Variants in STARD13 observed in about 807,000 individuals in gnomAD.
The protein encoded by STARD13 is stAR-related lipid transfer protein 13.
A neutral mutation model predicts 106.4 loss-of-function variants in STARD13; 62 were observed. The ratio of observed to expected loss-of-function variants is 0.58; its 90% CI spans 0.48 to 0.72. The LOEUF (loss-of-function observed/expected upper bound fraction) is 0.72. Among genes scored for constraint, STARD13 ranks in the 30% least tolerant of loss-of-function variants. STARD13 has a pLI of 0.00. For synonymous variants in STARD13, 565 were observed against 553.0 expected (o/e 1.02, Z -0.31); for missense variants, 1,387 against 1,424.0 (o/e 0.97, Z 0.42).
intron 8 of STARD13, among the ~76,000 whole-genome samples, chr13:33,114,713 C>T (rs1488856488): frequency 6.6e-6 from 1 of 152,040 alleles, no homozygotes; most frequent in African/African-American, 2.4e-5. Flanking sequence ...TTTTCCATGC[C>T]AACATTTTTT....
At chr13:33,626,392 G>T in the STARD13 span, among the ~76,000 whole-genome samples, 1 of 152,100 alleles carries the variant, frequency 6.6e-6, no homozygotes, top group Non-Finnish European at 1.5e-5. Flanking sequence ...TTATAGAAAA[G>T]ATAATAATGC....
At chr13:33,246,460 C>A (rs902289773) in intron 1 of STARD13, among the ~76,000 whole-genome samples, 3 of 152,192 alleles carry the variant, frequency 2.0e-5, no homozygotes, top group Admixed American at 6.5e-5. Context: ...CTTCTAAAAC[C>A]AGCCATTTGT....
intron 1 of STARD13, among the ~76,000 whole-genome samples, chr13:33,203,699 A>G (rs1401567108): frequency 6.6e-6 from 1 of 152,272 alleles, no homozygotes; most frequent in Non-Finnish European, 1.5e-5. Context: ...AGAGAAAAAA[A>G]ATAGATGCAA....
intron 1 of STARD13, among the ~76,000 whole-genome samples, chr13:33,294,031 A>T (rs4943088): frequency 0.35 from 52,467 of 152,074 alleles, 9,544 homozygotes; most frequent in South Asian, 0.49. Flanking sequence ...ACAAAAGTAT[A>T]TGCTTTGACC....
chr13:33,452,740 G>A, the STARD13 span, among the ~76,000 whole-genome samples: 6 of 152,294 alleles, frequency 3.9e-5, no homozygotes, highest in African/African-American at 1.4e-4. Context: ...CTAAAAACTT[G>A]TGTACCATCT....
At chr13:33,380,616 G>A in the STARD13 span, among the ~76,000 whole-genome samples, 1 of 151,958 alleles carries the variant, frequency 6.6e-6, no homozygotes, top group African/African-American at 2.4e-5. Flanking sequence ...AAAGGGGGAG[G>A]CAGGAGAGGA....
Position 33,285,729 on chromosome 13 carries a change from GA to G in STARD13, c.-92del. ...TCAAAGAGCAAGGCACCCAGCCCAG[GA>G]CAGCTCAACAGACCCAGCGATTTTT... On this transcript the variant is annotated 5_prime_UTR_variant, in exon 1 of 14. Transcript: ENST00000336934. 1 of 1,541,126 alleles carries G rather than the reference GA, an allele frequency of 6.5e-7. No individual in the cohort carries two copies. Among genetic ancestry groups the G allele is most frequent in the Non-Finnish European group, 8.7e-7 (1 of 1,150,466 alleles).
At chr13:33,671,670 T>C in the STARD13 span, among the ~76,000 whole-genome samples, 1 of 152,150 alleles carries the variant, frequency 6.6e-6, no homozygotes, top group Non-Finnish European at 1.5e-5. Flanking sequence ...TTTCAGGTTA[T>C]AGTGGGCTAT....
intron 1 of STARD13, among the ~76,000 whole-genome samples, chr13:33,233,889 A>C (rs1889052811): frequency 6.6e-6 from 1 of 152,192 alleles, no homozygotes; most frequent in Admixed American, 6.5e-5. Flanking sequence ...AGCCAGCCGG[A>C]TCTTGCACTT....
At chr13:33,563,797 T>C in the STARD13 span, among the ~76,000 whole-genome samples, 9 of 147,230 alleles carry the variant, frequency 6.1e-5, 1 homozygote, top group Non-Finnish European at 9.0e-5. Context: ...ACCTACAGAA[T>C]GAGAGAAAAT....
intron 4 of STARD13, among the ~76,000 whole-genome samples, chr13:33,140,975 C>T (rs1879750231): frequency 6.6e-6 from 1 of 152,140 alleles, no homozygotes; most frequent in South Asian, 2.1e-4. Flanking sequence ...TCAGGCTGGT[C>T]TCTAACTCCT....
At chr13:33,392,453 G>A in the STARD13 span, among the ~76,000 whole-genome samples, 1 of 152,134 alleles carries the variant, frequency 6.6e-6, no homozygotes, top group Non-Finnish European at 1.5e-5. Flanking sequence ...AGGCTGGAGT[G>A]CAGTGGCGCT....
At chr13:33,134,727 T>C (rs1173025807) in intron 4 of STARD13, among the ~76,000 whole-genome samples, 1 of 152,174 alleles carries the variant, frequency 6.6e-6, no homozygotes, top group African/African-American at 2.4e-5. Context: ...TGTTAGAGAA[T>C]AGCAATATTG....
intron 1 of STARD13, among the ~76,000 whole-genome samples, chr13:33,319,170 A>T (rs12428847): frequency 0.062 from 9,407 of 152,350 alleles, 375 homozygotes; most frequent in Admixed American, 0.098. Flanking sequence ...ATAAACAGAT[A>T]AACAAAATGT....
In STARD13 at chr13:33,138,019, G is replaced by T. The variant is rs142923922; in HGVS notation, c.387+4291C>A. Among the ~76,000 whole-genome samples, 169 of 152,354 alleles carry T rather than the reference G, an allele frequency of 1.1e-3. 1 individual carries two copies. Among genetic ancestry groups the T allele is most frequent in the African/African-American group, 3.8e-3 (156 of 41,582 alleles). ...GCCAGGAGGTGCTGGCTGCAAGGTG[G>T]CAATTAGTCATGGTTTCTGTGTTGC... On this transcript the variant is annotated intron_variant, in intron 4 of 13. Coordinates refer to ENST00000336934, the MANE Select transcript of STARD13 (RefSeq NM_178006.4).
chr13:33,329,647 GTGTGTGTA>G (rs1407383729), intron 1 of STARD13, among the ~76,000 whole-genome samples: 1 of 69,940 alleles, frequency 1.4e-5, no homozygotes, highest in African/African-American at 5.2e-5. Context: ...ATTCCATTGT[GTGTGTGTA>G]TGTGTGTGTG....
the STARD13 span, among the ~76,000 whole-genome samples, chr13:33,664,576 CACAAG>C: frequency 1.3e-5 from 2 of 152,192 alleles, no homozygotes; most frequent in African/African-American, 4.8e-5. Flanking sequence ...TTGAAATTGA[CACAAG>C]TCAGTTGCCT....
At chr13:33,506,394 T>C in the STARD13 span, among the ~76,000 whole-genome samples, 1 of 152,200 alleles carries the variant, frequency 6.6e-6, no homozygotes, top group Non-Finnish European at 1.5e-5. Flanking sequence ...AAAGTAAGCC[T>C]ATCACTGACA....
chr13:33,363,049 A>G, the STARD13 span, among the ~76,000 whole-genome samples: 2 of 152,100 alleles, frequency 1.3e-5, no homozygotes, highest in Non-Finnish European at 2.9e-5. Flanking sequence ...TCTCCACTCC[A>G]CTTCACCCAT....
Sources: allele counts gnomAD v4.1 joint callset (sites outside exome capture counted in the v4.1 genomes callset), GRCh38; gene constraint gnomAD v4.1.1; transcripts MANE v1.5; gene names NCBI Gene and HGNC (gene_info 2026-07-23, HGNC 2026-07-21).